The following TXNL4A variants were observed in gnomAD, a reference collection of about 807,000 sequenced individuals.
TXNL4A encodes thioredoxin like 4A.
A neutral mutation model predicts 14.6 loss-of-function variants in TXNL4A; 17 were observed. The ratio of observed to expected loss-of-function variants is 1.16; its 90% confidence interval spans 0.80 to 1.74. The LOEUF (loss-of-function observed/expected upper bound fraction) is 1.74, where lower values mean the gene tolerates loss of function less well. Among genes scored for constraint, TXNL4A ranks in the 40% most tolerant of loss-of-function variants. TXNL4A has a pLI of 0.00. For synonymous variants in TXNL4A, 83 were observed against 70.6 expected (o/e 1.18, Z -0.88); for missense variants, 74 against 195.2 (o/e 0.38, Z 3.70).
intron 1 of TXNL4A, among the ~76,000 whole-genome samples, chr18:80,003,144 T>G (rs866890698): frequency 6.6e-6 from 1 of 152,202 alleles, no homozygotes; most frequent in African/African-American, 2.4e-5. Flanking sequence ...TCCTGGGTGG[T>G]CATCATCATA....
rs553017096 is a variant in TXNL4A at position 79,976,622 on chromosome 18, A to C, written c.257+976T>G. 352 of 317,740 alleles carry C rather than the reference A, an allele frequency of 1.1e-3. 1 individual carries two copies. The highest frequency in any genetic ancestry group is 2.2e-3 in the African/African-American group (98 of 44,570). 19.7% of individuals were successfully genotyped at this position (317,740 alleles called of 1,614,324 possible). ...TGACTTACAGAACTGTGAGCTCAGA[A>C]AAGCGGGGTGATTTAAGCTGCTCAA... On this transcript the variant is annotated intron_variant, in intron 2 of 2. Coordinates refer to ENST00000269601, the MANE Select transcript of TXNL4A (RefSeq NM_006701.5).
chr18:80,030,064 G>A (rs1223529180), intron 1 of TXNL4A, among the ~76,000 whole-genome samples: 1 of 152,198 alleles, frequency 6.6e-6, no homozygotes, highest in African/African-American at 2.4e-5. Flanking sequence ...ATTAGAAGGT[G>A]TAGACTCATG....
intron 1 of TXNL4A, among the ~76,000 whole-genome samples, chr18:80,033,196 C>CAT (rs970378105): frequency 6.6e-6 from 1 of 152,186 alleles, no homozygotes; most frequent in African/African-American, 2.4e-5. Context: ...TACACACACA[C>CAT]ATATATACGC....
upstream of TXNL4A, among the ~76,000 whole-genome samples, chr18:79,989,194 A>G (rs2051605647): frequency 6.6e-6 from 1 of 152,064 alleles, no homozygotes. Flanking sequence ...GGCCCACTGC[A>G]GCCTCCGCCT....
chr18:80,014,921 C>T (rs207476976), intron 1 of TXNL4A, among the ~76,000 whole-genome samples: 26 of 152,314 alleles, frequency 1.7e-4, no homozygotes, highest in African/African-American at 3.8e-4. Context: ...GACTTCTGTG[C>T]GGTCACAGGC....
chr18:79,973,877 A>T, intron 2 of TXNL4A, 21 bp from the exon 3 acceptor site: 1 of 1,611,266 alleles, frequency 6.2e-7, no homozygotes, highest in South Asian at 1.1e-5. Context: ...AAACAAGGGC[A>T]TCCATTCTCA....
intron 1 of TXNL4A, among the ~76,000 whole-genome samples, chr18:80,032,597 T>C (rs148930101): frequency 0.029 from 4,429 of 152,276 alleles, 188 homozygotes; most frequent in African/African-American, 0.099. Flanking sequence ...CCCAGCACTT[T>C]GGAAGGCCGA....
At chr18:79,988,208 A>G (rs1599731748) in intron 1 of TXNL4A, 32 bp downstream of exon 1, 3 of 1,483,832 alleles carry the variant, frequency 2.0e-6, no homozygotes, top group South Asian at 1.3e-5. Context: ...GCGGAAGCAC[A>G]GCCCGCAGAG....
At chr18:79,976,409 G>C (rs2051380038) in intron 2 of TXNL4A, among the ~76,000 whole-genome samples, 1 of 152,136 alleles carries the variant, frequency 6.6e-6, no homozygotes, top group African/African-American at 2.4e-5. Context: ...AGGGTAACTG[G>C]GTCTCTGGCA....
At chr18:80,004,794 A>G (rs1448042090) in intron 1 of TXNL4A, among the ~76,000 whole-genome samples, 1 of 152,198 alleles carries the variant, frequency 6.6e-6, no homozygotes, top group Non-Finnish European at 1.5e-5. Flanking sequence ...TCGAGTGCGC[A>G]GTGGCTGCCG....
chr18:79,974,019 G>A (rs2051341191), intron 2 of TXNL4A, among the ~76,000 whole-genome samples, 163 bp from the exon 3 acceptor site: 1 of 152,194 alleles, frequency 6.6e-6, no homozygotes, highest in African/African-American at 2.4e-5. Context: ...AATACAGGAA[G>A]CAGCTAAATG....
intron 1 of TXNL4A, among the ~76,000 whole-genome samples, chr18:80,032,599 G>C (rs1310160872): frequency 2.0e-5 from 3 of 152,220 alleles, no homozygotes; most frequent in African/African-American, 7.2e-5. Context: ...CAGCACTTTG[G>C]AAGGCCGAGT....
chr18:80,015,555 C>G (rs1423698020), intron 1 of TXNL4A, among the ~76,000 whole-genome samples: 1 of 150,812 alleles, frequency 6.6e-6, no homozygotes. Context: ...TGTTCCCCTT[C>G]CTGTGTCCAT....
intron 1 of TXNL4A, among the ~76,000 whole-genome samples, chr18:79,994,222 A>C (rs944380964): frequency 6.6e-6 from 1 of 152,228 alleles, no homozygotes; most frequent in Non-Finnish European, 1.5e-5. Context: ...AATGGCCTAA[A>C]TGGGGATCTT....
chr18:80,030,545 C>G (rs1599759752), intron 1 of TXNL4A: 1 of 152,320 alleles, frequency 6.6e-6, no homozygotes, highest in East Asian at 1.9e-4. Context: ...GCTCCAGCCT[C>G]CAGTGGTGGG....
In TXNL4A at chr18:79,988,375, C is replaced by A; in HGVS notation, c.18G>T (p.Pro6=). Residue 6 remains proline (P), a synonymous_variant, in exon 1 of 3, where the codon CCG becomes CCT. Transcript: ENST00000269601. ...CCACCTGCCAGCCGTTGTGCAGGTG[C>A]GGGAGCATGTACGACATGGCGGCCC... MSYML[P]HLHNGWQVDQ... is the part of the protein sequence containing the mutation. 1.3e-6 allele frequency: 2 copies of A among 1,530,348 alleles called. No individual in the cohort carries two copies. Among genetic ancestry groups the A allele is most frequent in the Non-Finnish European group, 1.8e-6 (2 of 1,131,200 alleles). The allele number at this position is 1,530,348 out of a possible 1,614,324, so 94.8% of individuals were successfully genotyped here. A position where few individuals can be genotyped will look rare whatever the true frequency, so the allele number is the denominator to read the frequency against.
At position 79,988,258 on chromosome 18, in the gene TXNL4A, C is replaced by A; in HGVS notation, c.135G>T (p.Leu45=). The change falls in exon 1 of 3, where the codon CTG becomes CTT. Residue 45 remains leucine (L), a synonymous_variant. Coordinates refer to ENST00000269601, the MANE Select transcript of TXNL4A (RefSeq NM_006701.5). ...GCGCTACCTTCTCGGCGATGCTGTA[C>A]AGGACCTCGTCCATCTTCATGCACG... The part of the protein sequence containing the change: ...DPTCMKMDEV[L]YSIAEKVKNF... The A allele has an allele frequency of 6.3e-7, 1 of 1,598,290 alleles. No individual in the cohort carries two copies. The highest frequency in any genetic ancestry group is 8.6e-7 in the Non-Finnish European group (1 of 1,168,812).
chr18:79,976,452 G>C (rs889182019), intron 2 of TXNL4A, among the ~76,000 whole-genome samples: 5 of 152,242 alleles, frequency 3.3e-5, no homozygotes, highest in African/African-American at 1.2e-4. Flanking sequence ...CAGCAAGGAA[G>C]CAGATCTCAG....
At chr18:80,000,901 G>C (rs2051694193) in intron 1 of TXNL4A, among the ~76,000 whole-genome samples, 1 of 152,184 alleles carries the variant, frequency 6.6e-6, no homozygotes, top group African/African-American at 2.4e-5. Flanking sequence ...TGATCTGCCT[G>C]CCTTGGCCTC....
Sources: allele counts gnomAD v4.1 joint callset (sites outside exome capture counted in the v4.1 genomes callset), GRCh38; gene constraint gnomAD v4.1.1; transcripts MANE v1.5; gene names NCBI Gene and HGNC (gene_info 2026-07-23, HGNC 2026-07-21).